CPNE9: variants seen among roughly 807,000 people sequenced by gnomAD.
CPNE9 encodes copine family member 9.
CPNE9 carries 59 observed loss-of-function variants against 83.0 expected under a neutral mutation model. The observed-to-expected ratio is 0.71, with a 90% CI of 0.58 to 0.88. The LOEUF (loss-of-function observed/expected upper bound fraction) is 0.88. CPNE9 is among the 40% of genes least tolerant of loss of function. The pLI is 0.00. For missense variants in CPNE9, 619 were observed against 720.8 expected (o/e 0.86, Z 1.62); for synonymous variants, 256 against 273.4 (o/e 0.94, Z 0.63).
intron 7 of CPNE9, among the ~76,000 whole-genome samples, chr3:9,707,748 C>G (rs1204499653): frequency 6.8e-6 from 1 of 146,446 alleles, no homozygotes; most frequent in Non-Finnish European, 1.5e-5. Context: ...GGGTGACACC[C>G]CAAGCTGGGT....
intron 17 of CPNE9, among the ~76,000 whole-genome samples, chr3:9,725,634 ATACATG>A (rs1332250236): frequency 2.8e-4 from 25 of 88,474 alleles, no homozygotes; most frequent in Admixed American, 1.5e-3. Flanking sequence ...ATATATGTAT[ATACATG>A]TATGTGTATA....
In CPNE9 at chr3:9,715,546, G is replaced by A. The variant is rs777630117; in HGVS notation, c.822+20G>A. The A allele has an allele frequency of 4.5e-5, 72 of 1,607,242 alleles. No homozygotes were observed. Among genetic ancestry groups the A allele is most frequent in the Middle Eastern group, 3.3e-4 (2 of 6,076 alleles). On this transcript the variant is annotated intron_variant, in intron 13 of 20. Coordinates refer to ENST00000383832, the MANE Select transcript of CPNE9 (RefSeq NM_153635.3). ...GGAACTGTGAGTGCTCCCTAGAGCC[G>A]TGGCCCTCCCTGGATCCTTCCGTGT... is the stretch of plus-strand genomic sequence containing the variant.
intron 17 of CPNE9, among the ~76,000 whole-genome samples, chr3:9,725,689 CATATATGTGT>C (rs374440539): frequency 0.041 from 4,090 of 100,536 alleles, 74 homozygotes; most frequent in South Asian, 0.083. Context: ...TATATATATA[CATATATGTGT>C]ATATATGTGT....
At chr3:9,721,347 C>T (rs1263647713) in intron 17 of CPNE9, among the ~76,000 whole-genome samples, 5 of 152,192 alleles carry the variant, frequency 3.3e-5, no homozygotes, top group African/African-American at 2.4e-5. Context: ...TTGAAGTTTC[C>T]GTATTTCATC....
intron 20 of CPNE9, among the ~76,000 whole-genome samples, chr3:9,728,869 C>T (rs2076806071): frequency 6.6e-6 from 1 of 152,092 alleles, no homozygotes; most frequent in Non-Finnish European, 1.5e-5. Flanking sequence ...TCTCTCTGAC[C>T]TCCTCCTGTT....
At chr3:9,717,428 G>A (rs1156946823) in intron 15 of CPNE9, among the ~76,000 whole-genome samples, 3 of 152,194 alleles carry the variant, frequency 2.0e-5, no homozygotes, top group African/African-American at 4.8e-5. Context: ...GTGGGTACAT[G>A]GGTTGGTGAG....
At chr3:9,710,040 A>G (rs1356579753) in intron 7 of CPNE9, among the ~76,000 whole-genome samples, 1 of 151,860 alleles carries the variant, frequency 6.6e-6, no homozygotes, top group Admixed American at 6.6e-5. Context: ...AAATTATACT[A>G]CATTGGCCGG....
At chr3:9,726,530 G>T in intron 18 of CPNE9, 135 bp from the exon 19 acceptor site, 1 of 679,842 alleles carries the variant, frequency 1.5e-6, no homozygotes. Flanking sequence ...AGTAGTCTGG[G>T]GCAGAGAAAA....
Position 9,712,823 on chromosome 3 carries a change from T to C in CPNE9, c.540T>C (p.Asp180=). 6.2e-7 allele frequency: 1 copy of C among 1,613,740 alleles called. No homozygotes were observed. Among genetic ancestry groups the C allele is most frequent in the African/African-American group, 1.3e-5 (1 of 75,036 alleles). The change falls in exon 9 of 21, where the codon GAT becomes GAC. Residue 180 remains aspartate (D), a synonymous_variant. Transcript: ENST00000383832. Reference sequence around the variant, plus strand: ...TTGTGTTCTACAGGAGCAATGAGGATGGCACGTGAGTCACTGCCATCAGGG... The same window carrying C: ...TTGTGTTCTACAGGAGCAATGAGGACGGCACGTGAGTCACTGCCATCAGGG... ...PFLVFYRSNE[D]GTFTICHKTE... is the part of the protein sequence containing the mutation.
rs1169199982 is a variant in CPNE9 at position 9,704,374 on chromosome 3, G to C, written c.69-213G>C. Among the ~76,000 whole-genome samples, 2 of 152,312 alleles carry C rather than the reference G, an allele frequency of 1.3e-5. No individual in the cohort carries two copies. Among genetic ancestry groups the C allele is most frequent in the East Asian group, 3.9e-4 (2 of 5,160 alleles). ...CTGGGCCCTTGGAGACAGTGTGGGT[G>C]CGTTCGCGTCCAGTCCGCAGAGCCA... On this transcript the variant is annotated intron_variant, in intron 1 of 20. Coordinates refer to ENST00000383832, the MANE Select transcript of CPNE9 (RefSeq NM_153635.3). This position sits in a 1 kb window ranked among gnomAD's most constrained non-coding sequence, Gnocchi z 7.1.
chr3:9,712,866 G>C, intron 9 of CPNE9, 38 bp downstream of exon 9: 1 of 1,588,286 alleles, frequency 6.3e-7, no homozygotes, highest in Non-Finnish European at 8.6e-7. Context: ...GCTGGGGTGG[G>C]CCATGTGCTT....
intron 15 of CPNE9, 132 bp from the exon 16 acceptor site, chr3:9,717,897 T>G: frequency 1.5e-6 from 1 of 686,066 alleles, no homozygotes; most frequent in Admixed American, 3.3e-5. Flanking sequence ...GATGATTGGG[T>G]AAAATAAGGA....
intron 7 of CPNE9, among the ~76,000 whole-genome samples, chr3:9,709,471 C>T (rs1475116090): frequency 2.7e-5 from 4 of 148,812 alleles, no homozygotes; most frequent in African/African-American, 4.9e-5. Context: ...CGGGTTCAAG[C>T]GATTCTCCTG....
At position 9,718,124 on chromosome 3, in the gene CPNE9, G is replaced by A; in HGVS notation, c.1027G>A (p.Asp343Asn). 2 of 1,614,148 alleles carry A rather than the reference G, an allele frequency of 1.2e-6. No individual in the cohort carries two copies. The highest frequency in any genetic ancestry group is 2.2e-5 in the East Asian group (1 of 44,876). Reference sequence around the variant, plus strand: ...CAAGGCAGTGGGAGAGATCATCCAGGACTATGACAGTGATAAGCTCTTCCC... The same window carrying A: ...CAAGGCAGTGGGAGAGATCATCCAGAACTATGACAGTGATAAGCTCTTCCC... The part of the protein sequence containing the change: ...ALKAVGEIIQ[D>N]YDSDKLFPAY... The change falls in exon 16 of 21, where the codon GAC becomes AAC. Residue 343 changes from aspartate (D) to asparagine (N), a missense_variant. Transcript: ENST00000383832.
intron 7 of CPNE9, among the ~76,000 whole-genome samples, chr3:9,709,350 A>G (rs1230832596): frequency 6.7e-6 from 1 of 149,962 alleles, no homozygotes; most frequent in African/African-American, 2.4e-5. Context: ...AGAGAGGTCA[A>G]GAATAAGTTT....
chr3:9,714,836 T>C, intron 10 of CPNE9, 78 bp from the exon 11 acceptor site: 2 of 1,183,280 alleles, frequency 1.7e-6, no homozygotes, highest in East Asian at 2.4e-5. Context: ...GGAGATGATA[T>C]GTGTGTGGTT....
At chr3:9,710,006 GA>G (rs1159811118) in intron 7 of CPNE9, among the ~76,000 whole-genome samples, 46 of 139,328 alleles carry the variant, frequency 3.3e-4, no homozygotes, top group East Asian at 1.5e-3. Context: ...AAAAAAAAAA[GA>G]AAAAAAAAAT....
rs762670962 is a variant in CPNE9 at position 9,726,694 on chromosome 3, C to T, written c.1374C>T (p.Ile458=). ...SASSLPMSII[I]VGVGPAMFEA... ...CCTCATTGCCCATGTCTATCATTAT[C>T]GTCGGTGTAGGACCAGCCATGTTTG... The change falls in exon 19 of 21, where the codon ATC becomes ATT. Residue 458 remains isoleucine (I), a synonymous_variant. Transcript: ENST00000383832. 1.4e-5 allele frequency: 22 copies of T among 1,613,844 alleles called. No individual in the cohort carries two copies. The highest frequency in any genetic ancestry group is 1.3e-4 in the Admixed American group (8 of 60,006).
chr3:9,725,680 A>ACATG (rs2076775860), intron 17 of CPNE9, among the ~76,000 whole-genome samples: 1 of 73,540 alleles, frequency 1.4e-5, no homozygotes, highest in Non-Finnish European at 2.4e-5. Flanking sequence ...ATATGTGTAT[A>ACATG]TATATATACA....
Sources: gnomAD v4.1 joint callset for allele counts (sites outside exome capture counted in the v4.1 genomes callset) on GRCh38, gnomAD v4.1.1 for gene constraint, Gnocchi (gnomAD v3.1) non-coding constraint, MANE v1.5 for transcripts, NCBI Gene and HGNC (gene_info 2026-07-23, HGNC 2026-07-21) for gene names.